SULF2: variants seen among roughly 807,000 people sequenced by gnomAD.
SULF2 encodes the protein sulfatase 2.
Under a neutral mutation model 107.7 loss-of-function variants are expected in SULF2, and 52 were observed. The observed-to-expected ratio is 0.48, with a 90% confidence interval of 0.39 to 0.61. SULF2 has a LOEUF of 0.61. SULF2 is among the 20% of genes least tolerant of loss of function. The pLI is 0.00. For missense variants in SULF2, 993 were observed against 1,177.3 expected (o/e 0.84, Z 2.29); for synonymous variants, 460 against 464.3 (o/e 0.99, Z 0.12).
intron 20 of SULF2, 56 bp downstream of exon 20, chr20:47,659,343 G>T: frequency 6.6e-7 from 1 of 1,511,032 alleles, no homozygotes; most frequent in Non-Finnish European, 9.2e-7. Flanking sequence ...AATAGCATTG[G>T]CAAAATGAAG....
intron 17 of SULF2, among the ~76,000 whole-genome samples, chr20:47,662,868 C>T (rs1015745393): frequency 2.0e-5 from 3 of 151,810 alleles, no homozygotes; most frequent in Admixed American, 6.6e-5. Flanking sequence ...GTGATGGAGG[C>T]AAAAAGCAGG....
chr20:47,720,916 G>A (rs373519794), intron 3 of SULF2, among the ~76,000 whole-genome samples: 8 of 152,208 alleles, frequency 5.3e-5, no homozygotes, highest in Admixed American at 1.3e-4. Context: ...AAGCCCTTTT[G>A]CAAACTCTAG....
intron 2 of SULF2, among the ~76,000 whole-genome samples, chr20:47,744,939 T>A (rs2089972331): frequency 6.6e-6 from 1 of 152,170 alleles, no homozygotes. Flanking sequence ...AATATGTGTG[T>A]GTGTGTATAA....
intron 4 of SULF2, among the ~76,000 whole-genome samples, chr20:47,697,845 C>T (rs934318373): frequency 2.6e-5 from 4 of 152,106 alleles, no homozygotes; most frequent in African/African-American, 9.7e-5. Flanking sequence ...TGAGATGAGG[C>T]GTGGATGTGG....
chr20:47,698,611 C>G (rs2088463188), intron 4 of SULF2, among the ~76,000 whole-genome samples: 1 of 152,132 alleles, frequency 6.6e-6, no homozygotes, highest in Non-Finnish European at 1.5e-5. Flanking sequence ...CTGGATCCAC[C>G]CATGCCTGAT....
chr20:47,739,569 C>T (rs1036150478), intron 2 of SULF2, among the ~76,000 whole-genome samples: 3 of 152,182 alleles, frequency 2.0e-5, no homozygotes, highest in African/African-American at 4.8e-5. Flanking sequence ...CCTTCCCTGG[C>T]CTGTATTGAA....
At chr20:47,779,482 C>T (rs868524632) in intron 1 of SULF2, among the ~76,000 whole-genome samples, 1 of 152,224 alleles carries the variant, frequency 6.6e-6, no homozygotes, top group African/African-American at 2.4e-5. Flanking sequence ...CTCTCTGTTG[C>T]CTAACAGTCC....
rs72646226 is a variant in SULF2 at position 47,657,865 on chromosome 20, T to C, written c.*497A>G. 17 of 164,074 alleles carry C rather than the reference T, an allele frequency of 1.0e-4. No individual in the cohort carries two copies. The East Asian group carries it at 1.7e-3, about 16-fold the overall frequency. The allele number at this position is 164,074 out of a possible 1,614,324, so 10.2% of individuals were successfully genotyped here. ...TCATCTCTTTTGTGCTACTGACTCA[T>C]TGTCAAACGTCTCTGCACTGTTTTC... On this transcript the variant is annotated 3_prime_UTR_variant, in exon 21 of 21. Transcript: ENST00000688720.
chr20:47,747,124 T>C (rs1017116978), intron 2 of SULF2, among the ~76,000 whole-genome samples: 3 of 151,920 alleles, frequency 2.0e-5, no homozygotes, highest in Non-Finnish European at 4.4e-5. Flanking sequence ...CAATCCAGAA[T>C]AATTACACTG....
At chr20:47,683,232 G>T (rs1250518812) in intron 6 of SULF2, 63 bp from the exon 7 acceptor site, 3 of 1,483,308 alleles carry the variant, frequency 2.0e-6, no homozygotes, top group Non-Finnish European at 2.7e-6. Flanking sequence ...TCTCCGACCC[G>T]GGGTGACAGG....
chr20:47,745,400 AAAAAAAAAAAAT>A (rs2089995899), intron 2 of SULF2, among the ~76,000 whole-genome samples: 5 of 30,540 alleles, frequency 1.6e-4, no homozygotes, highest in Admixed American at 5.7e-4. Flanking sequence ...AAAAAAAAAA[AAAAAAAAAAAAT>A]ATATATATAT....
chr20:47,678,273 G>A lies in SULF2; in HGVS notation c.1193+403C>T, dbSNP rs566047840. On this transcript the variant is annotated intron_variant, in intron 8 of 20. Coordinates refer to ENST00000688720, the MANE Select transcript of SULF2 (RefSeq NM_001387048.1). This position sits in a 1 kb window ranked among gnomAD's most constrained non-coding sequence, Gnocchi z 4.5. ...GCTTTGGGATTCAGATTCCAAACTG[G>A]TAAAATGGGGATGATGATAATGTCC... 1 of 161,992 alleles carries A rather than the reference G, an allele frequency of 6.2e-6. No individual in the cohort carries two copies. Among genetic ancestry groups the A allele is most frequent in the South Asian group, 1.8e-4 (1 of 5,622 alleles). 10.0% of individuals were successfully genotyped at this position (161,992 alleles called of 1,614,324 possible).
chr20:47,662,791 G>A (rs193003124), intron 17 of SULF2, among the ~76,000 whole-genome samples: 17 of 131,844 alleles, frequency 1.3e-4, no homozygotes, highest in East Asian at 8.1e-4. Flanking sequence ...CACAAGTTCC[G>A]GCAAAACCTG....
rs752739555 is a variant in SULF2 at position 47,736,895 on chromosome 20, C to T, written c.223G>A (p.Gly75Arg). 3 of 1,614,208 alleles carry T rather than the reference C, an allele frequency of 1.9e-6. No homozygotes were observed. The highest frequency in any genetic ancestry group is 1.1e-5 in the South Asian group (1 of 91,088). Residue 75 changes from glycine (G) to arginine (R), a missense_variant, in exon 3 of 21, where the codon GGG becomes AGG. Physicochemically the swap from Gly to Arg is moderately radical, Grantham distance 125. This residue lies in a region of SULF2 where 388 missense variants were observed against 449.2 expected (regional missense o/e 0.86). Transcript: ENST00000688720. ...NKTRRIMEQG[G>R]AHFINAFVTT... ...ACGAAGGCGTTGATGAAGTGCGCCC[C>T]GCCCTGCTCCATGATGCGCCGGGTC...
At chr20:47,745,525 T>C (rs62200229) in intron 2 of SULF2, among the ~76,000 whole-genome samples, 29,995 of 135,580 alleles carry the variant, frequency 0.22, 5,043 homozygotes, top group African/African-American at 0.42. Context: ...TGCCAGCTTT[T>C]ATTTATTTAT....
intron 3 of SULF2, among the ~76,000 whole-genome samples, chr20:47,714,148 C>T (rs1278999484): frequency 6.6e-6 from 1 of 152,242 alleles, no homozygotes; most frequent in Non-Finnish European, 1.5e-5. Context: ...ATTTCGCAGG[C>T]ACGGAGTCTG....
intron 3 of SULF2, among the ~76,000 whole-genome samples, chr20:47,719,893 T>C (rs1217951263): frequency 6.6e-6 from 1 of 152,218 alleles, no homozygotes; most frequent in African/African-American, 2.4e-5. Flanking sequence ...AGTTTACTAA[T>C]CTCCACCATG....
rs992398223 is a variant in SULF2 at position 47,665,967 on chromosome 20, G to A, written c.1806-14C>T. The A allele has an allele frequency of 6.2e-7, 1 of 1,612,666 alleles. No homozygotes were observed. The highest frequency in any genetic ancestry group is 1.3e-5 in the African/African-American group (1 of 75,034). ...AGGATGTAGCACCTGCTTGAGAGAA[G>A]GGATCACGTGTGGCTCGGAGGTGGT... On this transcript the variant is annotated splice_polypyrimidine_tract_variant and intron_variant, in intron 12 of 20. Coordinates refer to ENST00000688720, the MANE Select transcript of SULF2 (RefSeq NM_001387048.1).
chr20:47,753,626 C>A (rs1176618831), intron 2 of SULF2, among the ~76,000 whole-genome samples: 1 of 152,210 alleles, frequency 6.6e-6, no homozygotes, highest in Non-Finnish European at 1.5e-5. Context: ...TTTGGAGGTT[C>A]CTTTTAAAAT....
Sources: gnomAD v4.1 joint callset for allele counts (sites outside exome capture counted in the v4.1 genomes callset) on GRCh38, gnomAD v4.1.1 for gene constraint, gnomAD v4.1.1 regional missense constraint, Gnocchi (gnomAD v3.1) non-coding constraint, MANE v1.5 for transcripts, NCBI Gene and HGNC (gene_info 2026-07-23, HGNC 2026-07-21) for gene names.